The following ASXL2 variants were observed in gnomAD, a reference collection of about 807,000 sequenced individuals.
ASXL2 encodes ASXL transcriptional regulator 2, also known as putative Polycomb group protein ASXL2.
In ASXL2, 23 loss-of-function variants were observed where a neutral mutation model predicts 122.0. The ratio of observed to expected loss-of-function variants is 0.19; its 90% confidence interval spans 0.14 to 0.27. The LOEUF is 0.27. ASXL2 is among the 10% of genes least tolerant of loss of function. The pLI, the probability that ASXL2 is intolerant of heterozygous loss-of-function variation, is 1.00. For synonymous variants in ASXL2, 650 were observed against 637.0 expected (o/e 1.02, Z -0.31); for missense variants, 1,518 against 1,713.8 (o/e 0.89, Z 2.02).
rs550733427 is a variant in ASXL2 at position 25,783,236 on chromosome 2, T to C, written c.404-11696A>G. 3.9e-5 allele frequency among the ~76,000 whole-genome samples: 6 copies of C among 152,324 alleles called. No homozygotes were observed. In the South Asian group the frequency reaches 1.2e-3, roughly 32 times the overall value. On this transcript the variant is annotated intron_variant, in intron 5 of 12. Coordinates refer to ENST00000435504, the MANE Select transcript of ASXL2 (RefSeq NM_018263.6). ...GGGAGTTCTAACACAGGTCTACTTC[T>C]ATGAAACTCTATTTATACTTTCTAT...
chr2:25,872,376 T>C (rs149439056), intron 1 of ASXL2, among the ~76,000 whole-genome samples: 1,883 of 151,928 alleles, frequency 0.012, 34 homozygotes, highest in African/African-American at 0.043. Flanking sequence ...AGCAAGACCC[T>C]GTCTCAAGGA....
chr2:25,841,705 T>C (rs1287688292), intron 2 of ASXL2, among the ~76,000 whole-genome samples: 1 of 151,930 alleles, frequency 6.6e-6, no homozygotes, highest in East Asian at 1.9e-4. Context: ...AAATTAGCTT[T>C]GGGAGACCGA....
intron 2 of ASXL2, among the ~76,000 whole-genome samples, chr2:25,844,600 C>A (rs1574444953): frequency 6.7e-6 from 1 of 148,920 alleles, no homozygotes. Flanking sequence ...ACAAAAAAAA[C>A]AAAACAAAAA....
chr2:25,780,610 G>A (rs1237924833), intron 5 of ASXL2, among the ~76,000 whole-genome samples: 1 of 152,168 alleles, frequency 6.6e-6, no homozygotes, highest in Non-Finnish European at 1.5e-5. Flanking sequence ...ACGTCCTGTA[G>A]GTGATTCTGA....
chr2:25,799,780 A>T (rs1228236668), intron 4 of ASXL2, among the ~76,000 whole-genome samples: 1 of 152,144 alleles, frequency 6.6e-6, no homozygotes, highest in Non-Finnish European at 1.5e-5. Flanking sequence ...CACAGGCTTA[A>T]ATTAGACAAA....
In ASXL2 at chr2:25,782,903, G is replaced by T. The variant is rs540235925; in HGVS notation, c.404-11363C>A. The stretch of plus-strand genomic sequence containing the variant: ...AGCACTTTGGGAAGCCAAGGTGGGC[G>T]GATCACTTGAGGTCAGGAGCTTGAG... On this transcript the variant is annotated intron_variant, in intron 5 of 12. Coordinates refer to ENST00000435504, the MANE Select transcript of ASXL2 (RefSeq NM_018263.6). 9.2e-5 allele frequency among the ~76,000 whole-genome samples: 14 copies of T among 152,230 alleles called. No homozygotes were observed. In the South Asian group the frequency reaches 2.5e-3, roughly 27 times the overall value.
At chr2:25,817,093 G>A (rs1252048401) in intron 3 of ASXL2, among the ~76,000 whole-genome samples, 1 of 152,092 alleles carries the variant, frequency 6.6e-6, no homozygotes, top group Non-Finnish European at 1.5e-5. Context: ...CTGCACTCCA[G>A]CCTGGTTGGC....
At chr2:25,858,769 G>A (rs796990137) in intron 1 of ASXL2, among the ~76,000 whole-genome samples, 1 of 150,722 alleles carries the variant, frequency 6.6e-6, no homozygotes, top group Non-Finnish European at 1.5e-5. Flanking sequence ...ATTGATAAAG[G>A]GAAGAAATGG....
At chr2:25,860,268 G>A (rs376440484) in intron 1 of ASXL2, among the ~76,000 whole-genome samples, 1 of 151,622 alleles carries the variant, frequency 6.6e-6, no homozygotes, top group Non-Finnish European at 1.5e-5. Context: ...CCGAGGTCGC[G>A]CCACTGCACT....
chr2:25,818,537 C>T (rs1339175560), intron 3 of ASXL2, among the ~76,000 whole-genome samples: 2 of 152,096 alleles, frequency 1.3e-5, no homozygotes, highest in Non-Finnish European at 2.9e-5. Context: ...ATGCTAAAGA[C>T]TTCTCTAAAT....
rs920179540 is a variant in ASXL2, at chr2:25,737,458, G to A, written c.*4571C>T. 6.6e-6 allele frequency: 1 copy of A among 152,092 alleles called. No homozygotes were observed. The highest frequency in any genetic ancestry group is 1.5e-5 in the Non-Finnish European group (1 of 68,024). The allele number at this position is 152,092 out of a possible 1,614,324, so 9.4% of individuals were successfully genotyped here. A position where few individuals can be genotyped will look rare whatever the true frequency, so the allele number is the denominator to read the frequency against. ...GGGGTTAGGAGACAAAACAGATTAAGGGAGAAAACATGGAGACAGACAGAT... is the reference window on the plus strand; with the variant it reads ...GGGGTTAGGAGACAAAACAGATTAAAGGAGAAAACATGGAGACAGACAGAT... On this transcript the variant is annotated 3_prime_UTR_variant, in exon 13 of 13. Coordinates refer to ENST00000435504, the MANE Select transcript of ASXL2 (RefSeq NM_018263.6).
chr2:25,789,320 A>G (rs528641961), intron 5 of ASXL2, among the ~76,000 whole-genome samples: 1 of 152,302 alleles, frequency 6.6e-6, no homozygotes, highest in East Asian at 1.9e-4. Context: ...TCTTACACAC[A>G]TGCAAATAAT....
chr2:25,753,783 A>C, intron 10 of ASXL2, 144 bp from the exon 11 acceptor site: 1 of 650,822 alleles, frequency 1.5e-6, no homozygotes, highest in Non-Finnish European at 2.7e-6. Flanking sequence ...CTCACTGTAA[A>C]GGAGGACCTA....
chr2:25,838,273 T>G (rs941101434), intron 2 of ASXL2, among the ~76,000 whole-genome samples: 2 of 152,212 alleles, frequency 1.3e-5, no homozygotes, highest in Non-Finnish European at 1.5e-5. Context: ...GGCAGTTTCC[T>G]GTGGCCACCT....
intron 3 of ASXL2, among the ~76,000 whole-genome samples, chr2:25,809,205 T>G (rs916248824): frequency 5.9e-5 from 9 of 151,876 alleles, no homozygotes; most frequent in African/African-American, 2.2e-4. Context: ...AAGGGGCACA[T>G]GATCCATTCT....
In ASXL2 at chr2:25,756,077, G is replaced by T; in HGVS notation, c.977C>A (p.Ala326Asp). Residue 326 changes from alanine to aspartate, a missense_variant, in exon 10 of 13, where the codon GCC (alanine) becomes GAC (aspartate). By Grantham distance (126) the Ala-to-Asp change is moderately radical (BLOSUM62 -2). This residue lies in a region of ASXL2 where 92 missense variants were observed against 156.6 expected (regional missense o/e 0.59). Transcript: ENST00000435504. The stretch of plus-strand genomic sequence containing the variant: ...TGAAGTGAAGAATTCATTGTTAAGG[G>T]CTGAGCCATTTAACTTCATTAAACC... ...PDGLMKLNGSALNNEFFTSAA... is the reference protein window; with the variant it reads ...PDGLMKLNGSDLNNEFFTSAA... 1 of 1,610,954 alleles carries T rather than the reference G, an allele frequency of 6.2e-7. No homozygotes were observed. Among genetic ancestry groups the T allele is most frequent in the Non-Finnish European group, 8.5e-7 (1 of 1,178,768 alleles).
chr2:25,862,759 C>G (rs1223737945), intron 1 of ASXL2, among the ~76,000 whole-genome samples: 3 of 151,928 alleles, frequency 2.0e-5, no homozygotes, highest in Non-Finnish European at 4.4e-5. Context: ...ACCACCATGC[C>G]CTGCTAATTT....
At chr2:25,812,583 C>T (rs2089185650) in intron 3 of ASXL2, among the ~76,000 whole-genome samples, 1 of 152,182 alleles carries the variant, frequency 6.6e-6, no homozygotes, top group Admixed American at 6.5e-5. Context: ...TCCCACATTA[C>T]TCAATTCTGC....
chr2:25,829,941 G>A (rs2089431199), intron 3 of ASXL2, among the ~76,000 whole-genome samples: 1 of 152,222 alleles, frequency 6.6e-6, no homozygotes, highest in Admixed American at 6.5e-5. Context: ...AAGCCTGTCT[G>A]TCCCCACAGG....
Sources: allele counts gnomAD v4.1 joint callset (sites outside exome capture counted in the v4.1 genomes callset), GRCh38; gene constraint gnomAD v4.1.1; regional missense constraint gnomAD v4.1.1; transcripts MANE v1.5; gene names NCBI Gene and HGNC (gene_info 2026-07-23, HGNC 2026-07-21).